AKAP9: variants seen among roughly 807,000 people sequenced by gnomAD.
AKAP9 encodes A-kinase anchoring protein 9, also known as A-kinase anchor protein 9.
AKAP9 carries 311 observed loss-of-function variants against 488.5 expected under a neutral mutation model. The observed-to-expected ratio is 0.64, with a 90% confidence interval of 0.58 to 0.70. The LOEUF is 0.70. Ranked by LOEUF, AKAP9 falls within the 30% of genes least tolerant of loss-of-function variation. The pLI is 0.00. For missense variants in AKAP9, 4,215 were observed against 4,374.5 expected (o/e 0.96, Z 1.03); for synonymous variants, 1,462 against 1,483.5 (o/e 0.99, Z 0.33).
chr7:91,976,115 G>A (rs574634315), intron 2 of AKAP9, among the ~76,000 whole-genome samples: 93 of 152,078 alleles, frequency 6.1e-4, no homozygotes, highest in African/African-American at 2.1e-3. Context: ...TAGAGATGGG[G>A]TTTCACCATG....
At chr7:92,054,156 G>A (rs1222402405) in intron 22 of AKAP9, among the ~76,000 whole-genome samples, 2 of 152,106 alleles carry the variant, frequency 1.3e-5, no homozygotes, top group African/African-American at 4.8e-5. Flanking sequence ...ATGGATAGAT[G>A]TTTAAAGCCA....
chr7:92,044,840 A>C (rs1806701486), intron 20 of AKAP9, among the ~76,000 whole-genome samples, 168 bp from the exon 21 acceptor site: 2 of 150,702 alleles, frequency 1.3e-5, no homozygotes, highest in South Asian at 2.1e-4. Context: ...AGTTACAAAT[A>C]AAAAACAAGA....
chr7:92,087,724 A>G (rs2130880264), intron 37 of AKAP9, among the ~76,000 whole-genome samples: 1 of 152,200 alleles, frequency 6.6e-6, no homozygotes, highest in African/African-American at 2.4e-5. Flanking sequence ...GAATTGTTCA[A>G]AGAATGAAGG....
At chr7:92,109,851 T>G (rs1346011452) in intron 49 of AKAP9, among the ~76,000 whole-genome samples, 1 of 152,100 alleles carries the variant, frequency 6.6e-6, no homozygotes, top group Non-Finnish European at 1.5e-5. Context: ...CTCAGGAGGC[T>G]GAGGCAGGAG....
chr7:92,011,520 AT>A (rs1431954650), intron 8 of AKAP9, among the ~76,000 whole-genome samples: 1 of 152,150 alleles, frequency 6.6e-6, no homozygotes, highest in East Asian at 1.9e-4. Flanking sequence ...TGAAAAACTG[AT>A]TGTAAAATTG....
Position 92,022,930 on chromosome 7 carries a change from AC to A in AKAP9, c.4070del (p.Thr1357MetfsTer34). ...ISSLQQQLKE[T>X]EQNYEAEIHC... is the part of the protein sequence containing the mutation. Reference sequence around the variant, plus strand: ...CTCTTTGCAGCAACAGTTGAAAGAAACTGAACAAAACTATGAGGCAGAGATC... The same window carrying A: ...CTCTTTGCAGCAACAGTTGAAAGAAATGAACAAAACTATGAGGCAGAGATC... On this transcript the variant is annotated frameshift_variant, in exon 14 of 50. Coordinates refer to ENST00000356239, the MANE Select transcript of AKAP9 (RefSeq NM_005751.5). LOFTEE classifies it high-confidence loss of function. The A allele has an allele frequency of 6.2e-7, 1 of 1,614,062 alleles. No individual in the cohort carries two copies. Among genetic ancestry groups the A allele is most frequent in the Non-Finnish European group, 8.5e-7 (1 of 1,179,940 alleles).
At chr7:92,016,942 G>A (rs1203639764) in intron 11 of AKAP9, 75 bp from the exon 12 acceptor site, 2 of 1,123,214 alleles carry the variant, frequency 1.8e-6, no homozygotes, top group Non-Finnish European at 2.6e-6. Flanking sequence ...TTATAAATAG[G>A]TGAATAATAT....
intron 26 of AKAP9, among the ~76,000 whole-genome samples, chr7:92,068,031 T>C (rs1811034462): frequency 1.3e-5 from 2 of 152,140 alleles, no homozygotes; most frequent in Non-Finnish European, 2.9e-5. Context: ...AAACTCCTTA[T>C]AATAAAATGT....
In AKAP9 at chr7:92,083,302, T is replaced by G; in HGVS notation, c.8293T>G (p.Cys2765Gly). The change falls in exon 33 of 50, where the codon TGC (cysteine) becomes GGC (glycine). Residue 2765 changes from cysteine to glycine, a missense_variant. Transcript: ENST00000356239. ...TGAGGTACAAGAAAGCAAAAAGGCCTGCATGTTTGAGCCACTTCCTATAAA... is the reference window on the plus strand; with the variant it reads ...TGAGGTACAAGAAAGCAAAAAGGCCGGCATGTTTGAGCCACTTCCTATAAA... ...ETEVQESKKA[C>G]MFEPLPIKLS... The G allele has an allele frequency of 6.2e-7, 1 of 1,614,108 alleles. No homozygotes were observed. Among genetic ancestry groups the G allele is most frequent in the East Asian group, 2.2e-5 (1 of 44,868 alleles).
Position 92,102,793 on chromosome 7 carries a change from G to T in AKAP9, c.11297G>T (p.Arg3766Leu), listed in dbSNP as rs137892407. 2.7e-5 allele frequency: 43 copies of T among 1,614,054 alleles called. No individual in the cohort carries two copies. In the South Asian group the frequency reaches 3.6e-4, roughly 14 times the overall value. ...CGCCCAAAGGGCTTCACCAGGTTTC[G>T]GTCGGCCGTCAGAGTATCCATTGCA... is the stretch of plus-strand genomic sequence containing the variant. The part of the protein sequence containing the change: ...TNRPKGFTRF[R>L]SAVRVSIAIS... Residue 3766 changes from arginine to leucine, a missense_variant, in exon 46 of 50, where the codon CGG (arginine) becomes CTG (leucine). Transcript: ENST00000356239.
chr7:92,006,157 T>C (rs1225344771), intron 8 of AKAP9, among the ~76,000 whole-genome samples: 2 of 151,992 alleles, frequency 1.3e-5, no homozygotes, highest in Non-Finnish European at 2.9e-5. Context: ...TCTTTTTCTT[T>C]TTCTTTTTTT....
chr7:92,029,954 G>A lies in AKAP9; in HGVS notation c.4208G>A (p.Gly1403Glu). Residue 1403 changes from glycine (G) to glutamate (E), a missense_variant, in exon 15 of 50, where the codon GGA becomes GAA. Physicochemically the swap from Gly to Glu is moderately conservative, Grantham distance 98. Around this residue, in one of 5 missense-constraint regions of AKAP9, gnomAD observed 2,361 missense variants for 2,430.0 expected, o/e 0.97. Transcript: ENST00000356239. ...GATGCACAGAGAACAATGTACCCTG[G>A]AAGTTGTGTGAAAAAGAATATTGAT... The part of the protein sequence containing the change: ...ESDAQRTMYP[G>E]SCVKKNIDGT... 6.2e-7 allele frequency: 1 copy of A among 1,612,708 alleles called. No homozygotes were observed. Among genetic ancestry groups the A allele is most frequent in the Non-Finnish European group, 8.5e-7 (1 of 1,179,020 alleles).
At chr7:92,083,989 C>A (rs1466464167) in intron 33 of AKAP9, among the ~76,000 whole-genome samples, 2 of 152,162 alleles carry the variant, frequency 1.3e-5, no homozygotes, top group African/African-American at 2.4e-5. Flanking sequence ...CACCTCACCC[C>A]CGACAGGCCC....
intron 21 of AKAP9, 132 bp from the exon 22 acceptor site, chr7:92,052,590 ATTTG>A (rs1309654688): frequency 3.3e-6 from 2 of 602,622 alleles, no homozygotes; most frequent in African/African-American, 1.9e-5. Context: ...TGCATATTTT[ATTTG>A]TTTGGTTGCA....
intron 23 of AKAP9, among the ~76,000 whole-genome samples, chr7:92,062,017 T>C (rs999636696): frequency 6.6e-5 from 10 of 152,164 alleles, no homozygotes; most frequent in Non-Finnish European, 1.3e-4. Context: ...TGTGGTACTT[T>C]GGTATAGCAA....
chr7:92,076,821 C>A, intron 28 of AKAP9, 34 bp from the exon 29 acceptor site: 1 of 1,284,818 alleles, frequency 7.8e-7, no homozygotes. Context: ...TTTGTATAAA[C>A]ATTTTTTCTC....
At position 92,083,329 on chromosome 7, in the gene AKAP9, C is replaced by G. The variant is rs1464880060; in HGVS notation, c.8320C>G (p.Leu2774Val). 6.2e-7 allele frequency: 1 copy of G among 1,614,070 alleles called. No individual in the cohort carries two copies. Among genetic ancestry groups the G allele is most frequent in the Admixed American group, 1.7e-5 (1 of 60,018 alleles). Residue 2774 changes from leucine to valine, a missense_variant, in exon 33 of 50, where the codon CTG becomes GTG. Coordinates refer to ENST00000356239, the MANE Select transcript of AKAP9 (RefSeq NM_005751.5). ...ACMFEPLPIKLSKSIASQTDG... is the reference protein window; with the variant it reads ...ACMFEPLPIKVSKSIASQTDG... The stretch of plus-strand genomic sequence containing the variant: ...CATGTTTGAGCCACTTCCTATAAAA[C>G]TGAGTAAGAGCATTGCATCCCAGAC...
chr7:92,046,546 A>G (rs1428611051), intron 21 of AKAP9, among the ~76,000 whole-genome samples: 1 of 152,244 alleles, frequency 6.6e-6, no homozygotes, highest in Non-Finnish European at 1.5e-5. Flanking sequence ...GAGTTCAAAG[A>G]TAGTTTTAAA....
chr7:91,958,858 AT>A (rs34009088), intron 1 of AKAP9, among the ~76,000 whole-genome samples: 60,106 of 149,946 alleles, frequency 0.4, 12,198 homozygotes, highest in African/African-American at 0.46. Flanking sequence ...GCTCATTAAG[AT>A]TTTTTTTTTG....
Sources: gnomAD v4.1 joint callset for allele counts (sites outside exome capture counted in the v4.1 genomes callset) on GRCh38, gnomAD v4.1.1 for gene constraint, gnomAD v4.1.1 regional missense constraint, MANE v1.5 for transcripts, NCBI Gene and HGNC (gene_info 2026-07-23, HGNC 2026-07-21) for gene names.